JAKMIP2: variants seen among roughly 807,000 people sequenced by gnomAD.
JAKMIP2 encodes janus kinase and microtubule interacting protein 2, also known as janus kinase and microtubule-interacting protein 2.
A neutral mutation model predicts 115.0 loss-of-function variants in JAKMIP2; 25 were observed. The ratio of observed to expected loss-of-function variants is 0.22; its 90% confidence interval spans 0.16 to 0.30. The LOEUF (loss-of-function observed/expected upper bound fraction) is 0.30. Among genes scored for constraint, JAKMIP2 ranks in the 10% least tolerant of loss-of-function variants. JAKMIP2 has a pLI of 1.00. For synonymous variants in JAKMIP2, 334 were observed against 343.6 expected, an observed-to-expected ratio of 0.97 and a Z score of 0.31; for missense variants, 642 against 957.6, an observed-to-expected ratio of 0.67 and a Z score of 4.35.
At chr5:147,702,412 C>A (rs78400658) in intron 1 of JAKMIP2, among the ~76,000 whole-genome samples, 19,047 of 126,120 alleles carry the variant, frequency 0.15, 2,176 homozygotes, top group East Asian at 0.52. Context: ...ACTTATGTAC[C>A]AAGAAAGAAA....
intron 1 of JAKMIP2, among the ~76,000 whole-genome samples, chr5:147,754,923 T>G (rs796906213): frequency 6.6e-6 from 1 of 152,002 alleles, no homozygotes; most frequent in African/African-American, 2.4e-5. Flanking sequence ...CCACTATGAG[T>G]GGAAGAGAGC....
intron 20 of JAKMIP2, among the ~76,000 whole-genome samples, chr5:147,608,904 C>T (rs1198879636): frequency 6.6e-6 from 1 of 151,980 alleles, no homozygotes; most frequent in African/African-American, 2.4e-5. Context: ...CTTCTTGTTG[C>T]ATCGATCTCT....
chr5:147,622,124 C>G (rs1447090655), intron 17 of JAKMIP2, among the ~76,000 whole-genome samples: 1 of 152,192 alleles, frequency 6.6e-6, no homozygotes, highest in African/African-American at 2.4e-5. Flanking sequence ...GCCTCGGCCT[C>G]CCAAAGTTCT....
At chr5:147,694,743 G>A (rs1051551126) in intron 1 of JAKMIP2, among the ~76,000 whole-genome samples, 4 of 152,052 alleles carry the variant, frequency 2.6e-5, no homozygotes, top group African/African-American at 9.7e-5. Flanking sequence ...CTTTGCTGTT[G>A]AATAGCCAGA....
rs1435201202 is a variant in JAKMIP2 at position 147,590,314 on chromosome 5, T to C, written c.*1393A>G. On this transcript the variant is annotated 3_prime_UTR_variant, in exon 22 of 22. Transcript: ENST00000616793. ...ATTGAGGTTGTTCTGTTATCTACAG[T>C]AAATGAGGTGTAAAATTAGCTTTTC... 1.3e-5 allele frequency: 2 copies of C among 152,222 alleles called. No homozygotes were observed. The highest frequency in any genetic ancestry group is 2.9e-5 in the Non-Finnish European group (2 of 68,038). 9.4% of individuals were successfully genotyped at this position (152,222 alleles called of 1,614,324 possible).
Position 147,591,594 on chromosome 5 carries a change from T to G in JAKMIP2, c.*113A>C. On this transcript the variant is annotated 3_prime_UTR_variant, in exon 22 of 22. Coordinates refer to ENST00000616793, the MANE Select transcript of JAKMIP2 (RefSeq NM_001270941.2). ...TGGCTACAGGGTAGTTCTTAGCTTT[T>G]GATCTCCCTCTCACTGGTGTAAACA... 7.0e-6 allele frequency: 8 copies of G among 1,149,678 alleles called. No individual in the cohort carries two copies. The highest frequency in any genetic ancestry group is 7.8e-6 in the Non-Finnish European group (6 of 767,344). 71.2% of individuals were successfully genotyped at this position (1,149,678 alleles called of 1,614,324 possible).
At chr5:147,648,513 A>G (rs746888619) in intron 4 of JAKMIP2, 39 bp from the exon 5 acceptor site, 2 of 1,135,486 alleles carry the variant, frequency 1.8e-6, no homozygotes, top group Non-Finnish European at 1.3e-6. Context: ...CTTCAACAAC[A>G]CTTTTCACAA....
At chr5:147,628,406 C>T (rs953716688) in intron 16 of JAKMIP2, among the ~76,000 whole-genome samples, 20 of 152,266 alleles carry the variant, frequency 1.3e-4, no homozygotes, top group African/African-American at 4.8e-4. Flanking sequence ...ATGATAAGAG[C>T]AATGCTCCAG....
intron 6 of JAKMIP2, 88 bp from the exon 7 acceptor site, chr5:147,644,286 G>A: frequency 2.3e-6 from 3 of 1,291,378 alleles, no homozygotes; most frequent in Non-Finnish European, 3.1e-6. Flanking sequence ...GAAAGTTTAT[G>A]AGGCTCCAGC....
At chr5:147,666,101 G>A (rs1383639657) in intron 2 of JAKMIP2, among the ~76,000 whole-genome samples, 4 of 152,066 alleles carry the variant, frequency 2.6e-5, no homozygotes, top group African/African-American at 9.7e-5. Context: ...ACTTATTTTG[G>A]TTGTCATGAA....
chr5:147,728,825 T>C (rs1347513991), intron 1 of JAKMIP2, among the ~76,000 whole-genome samples: 1 of 152,182 alleles, frequency 6.6e-6, no homozygotes, highest in Non-Finnish European at 1.5e-5. Flanking sequence ...TTTTGAAAAT[T>C]GTTCAGCTTA....
At chr5:147,640,974 C>CACA (rs66794198) in intron 8 of JAKMIP2, 151 bp from the exon 9 acceptor site, 1 of 595,288 alleles carries the variant, frequency 1.7e-6, no homozygotes. Context: ...TAGGCATGAG[C>CACA]ATAATTCCAA....
chr5:147,652,508 G>C (rs921415322), intron 3 of JAKMIP2, among the ~76,000 whole-genome samples: 8 of 152,104 alleles, frequency 5.3e-5, no homozygotes, highest in Non-Finnish European at 1.0e-4. Context: ...TTTCTAGACA[G>C]AACAACTCCC....
At chr5:147,678,030 A>C (rs2126824108) in intron 1 of JAKMIP2, among the ~76,000 whole-genome samples, 1 of 152,138 alleles carries the variant, frequency 6.6e-6, no homozygotes, top group South Asian at 2.1e-4. Flanking sequence ...TTTGAGACGG[A>C]GTCTTGCTCT....
At chr5:147,695,489 C>G (rs1452040432) in intron 1 of JAKMIP2, among the ~76,000 whole-genome samples, 2 of 152,158 alleles carry the variant, frequency 1.3e-5, no homozygotes, top group African/African-American at 4.8e-5. Flanking sequence ...TAGGATTCCT[C>G]CTTAGGGCAT....
chr5:147,599,467 T>G (rs2126576157), intron 21 of JAKMIP2, among the ~76,000 whole-genome samples: 1 of 152,360 alleles, frequency 6.6e-6, no homozygotes. Context: ...CCAGATTCAC[T>G]GTCACATTCA....
At chr5:147,639,329 A>G (rs1259096286) in intron 10 of JAKMIP2, among the ~76,000 whole-genome samples, 1 of 152,220 alleles carries the variant, frequency 6.6e-6, no homozygotes, top group Non-Finnish European at 1.5e-5. Context: ...TTTTCTAAGC[A>G]AGAAACTAAA....
At chr5:147,646,522 A>G (rs1356118821) in intron 5 of JAKMIP2, among the ~76,000 whole-genome samples, 1 of 152,128 alleles carries the variant, frequency 6.6e-6, no homozygotes, top group Non-Finnish European at 1.5e-5. Context: ...ATCATACATC[A>G]ATAACCATAG....
At chr5:147,650,288 T>C (rs768340700) in intron 4 of JAKMIP2, 50 bp downstream of exon 4, 1 of 1,175,416 alleles carries the variant, frequency 8.5e-7, no homozygotes, top group South Asian at 1.2e-5. Context: ...ACTTGGGAGC[T>C]AAATAAAAGA....
Sources: allele counts gnomAD v4.1 joint callset (sites outside exome capture counted in the v4.1 genomes callset), GRCh38; gene constraint gnomAD v4.1.1; transcripts MANE v1.5; gene names NCBI Gene and HGNC (gene_info 2026-07-23, HGNC 2026-07-21).